KHDRBS2: variants seen among roughly 807,000 people sequenced by gnomAD.
The protein encoded by KHDRBS2 is KH domain-containing, RNA-binding, signal transduction-associated protein 2.
A neutral mutation model predicts 44.3 loss-of-function variants in KHDRBS2; 26 were observed. The observed-to-expected ratio is 0.59, with a 90% CI of 0.43 to 0.81. The LOEUF is 0.81. Ranked by LOEUF, KHDRBS2 falls within the 40% of genes least tolerant of loss-of-function variation. The pLI is 0.00. For synonymous variants in KHDRBS2, 194 were observed against 151.1 expected (o/e 1.28, Z -2.08); for missense variants, 476 against 433.1 (o/e 1.10, Z -0.88).
At chr6:61,682,654 T>A (rs1766430400) in intron 8 of KHDRBS2, among the ~76,000 whole-genome samples, 1 of 151,950 alleles carries the variant, frequency 6.6e-6, no homozygotes, top group Admixed American at 6.6e-5. Flanking sequence ...ATATTTATAC[T>A]CTGGGCTTTT....
At chr6:61,862,100 A>C (rs548078241) in intron 6 of KHDRBS2, among the ~76,000 whole-genome samples, 1 of 152,224 alleles carries the variant, frequency 6.6e-6, no homozygotes, top group Admixed American at 6.5e-5. Flanking sequence ...TTATCAACTT[A>C]AGAAGTTGTA....
chr6:61,557,015 C>T, the KHDRBS2 span, among the ~76,000 whole-genome samples: 1 of 150,132 alleles, frequency 6.7e-6, no homozygotes, highest in African/African-American at 2.4e-5. Flanking sequence ...TAGTTTTGCA[C>T]CATCAGTGCA....
At chr6:61,863,257 G>A (rs1230283526) in intron 6 of KHDRBS2, among the ~76,000 whole-genome samples, 2 of 133,022 alleles carry the variant, frequency 1.5e-5, no homozygotes, top group South Asian at 4.9e-4. Flanking sequence ...GCTTTTGAAG[G>A]GGTTTTTTTT....
intron 1 of KHDRBS2, among the ~76,000 whole-genome samples, chr6:62,223,616 C>T (rs946428107): frequency 1.3e-5 from 2 of 152,136 alleles, no homozygotes; most frequent in African/African-American, 4.8e-5. Context: ...CTCTGCTTCC[C>T]TTATAAAAAT....
At chr6:61,669,110 C>T in the KHDRBS2 span, among the ~76,000 whole-genome samples, 1 of 150,874 alleles carries the variant, frequency 6.6e-6, no homozygotes, top group Non-Finnish European at 1.5e-5. Flanking sequence ...CAAATATAGA[C>T]AGGCATAATA....
At chr6:62,231,054 A>G (rs939670718) in intron 1 of KHDRBS2, among the ~76,000 whole-genome samples, 2 of 152,192 alleles carry the variant, frequency 1.3e-5, no homozygotes, top group African/African-American at 4.8e-5. Context: ...ACTTGCTTTA[A>G]GCTCATTTAG....
intron 4 of KHDRBS2, among the ~76,000 whole-genome samples, chr6:61,955,158 A>G (rs1766373474): frequency 6.9e-6 from 1 of 145,078 alleles, no homozygotes; most frequent in South Asian, 2.2e-4. Flanking sequence ...GTGTGTATGT[A>G]TGTATACATA....
intron 1 of KHDRBS2, among the ~76,000 whole-genome samples, chr6:62,264,405 C>T (rs1444666704): frequency 4.0e-5 from 6 of 151,692 alleles, no homozygotes; most frequent in Non-Finnish European, 7.4e-5. Context: ...ATTTTTTATT[C>T]TATGTACTCG....
At chr6:62,283,935 C>T (rs1482952726) in intron 1 of KHDRBS2, among the ~76,000 whole-genome samples, 1 of 152,062 alleles carries the variant, frequency 6.6e-6, no homozygotes, top group Non-Finnish European at 1.5e-5. Context: ...TTTGGGTAAC[C>T]TCTTTGTTTC....
At chr6:61,543,049 G>C in the KHDRBS2 span, among the ~76,000 whole-genome samples, 8 of 151,874 alleles carry the variant, frequency 5.3e-5, no homozygotes, top group African/African-American at 1.9e-4. Flanking sequence ...AACATTGGCT[G>C]TGGCAAAGAT....
chr6:61,575,758 G>T, the KHDRBS2 span, among the ~76,000 whole-genome samples: 1 of 152,100 alleles, frequency 6.6e-6, no homozygotes, highest in Admixed American at 6.6e-5. Context: ...ATACACCATA[G>T]AATACTACTC....
At chr6:62,129,516 T>G (rs1218216515) in intron 2 of KHDRBS2, among the ~76,000 whole-genome samples, 1 of 152,150 alleles carries the variant, frequency 6.6e-6, no homozygotes, top group East Asian at 1.9e-4. Context: ...GAGCAAAATC[T>G]TTTTAATGGC....
At chr6:61,784,599 A>G (rs1170638532) in intron 6 of KHDRBS2, among the ~76,000 whole-genome samples, 1 of 152,154 alleles carries the variant, frequency 6.6e-6, no homozygotes, top group African/African-American at 2.4e-5. Context: ...AATTAAATGT[A>G]TAAATATAAA....
the KHDRBS2 span, among the ~76,000 whole-genome samples, chr6:61,642,626 A>T: frequency 6.6e-6 from 1 of 150,528 alleles, no homozygotes; most frequent in Non-Finnish European, 1.5e-5. Flanking sequence ...ACACCAATGT[A>T]CTCCAGCCTG....
intron 4 of KHDRBS2, among the ~76,000 whole-genome samples, chr6:61,967,610 G>A (rs1457970567): frequency 6.6e-6 from 1 of 151,850 alleles, no homozygotes; most frequent in Non-Finnish European, 1.5e-5. Context: ...TAGAAGCTCT[G>A]AAGTCAAGAA....
chr6:62,067,839 T>A (rs1490864460), intron 2 of KHDRBS2, among the ~76,000 whole-genome samples: 1 of 151,636 alleles, frequency 6.6e-6, no homozygotes. Context: ...TCGTACAACA[T>A]GTGGTTTTTC....
chr6:61,991,620 CA>C (rs1339281623), intron 3 of KHDRBS2, among the ~76,000 whole-genome samples: 1 of 152,140 alleles, frequency 6.6e-6, no homozygotes, highest in Non-Finnish European at 1.5e-5. Flanking sequence ...CACTGCCAAC[CA>C]ATAATGGAAA....
chr6:62,139,159 GA>G (rs569582742), intron 2 of KHDRBS2, among the ~76,000 whole-genome samples: 2 of 150,802 alleles, frequency 1.3e-5, no homozygotes, highest in African/African-American at 4.9e-5. Context: ...AAAATTTTCA[GA>G]AAAAAAATTG....
chr6:61,573,398 G>T, the KHDRBS2 span, among the ~76,000 whole-genome samples: 1 of 152,070 alleles, frequency 6.6e-6, no homozygotes, highest in Non-Finnish European at 1.5e-5. Flanking sequence ...ACTGCCAAAA[G>T]CAATACACAG....
Sources: allele counts gnomAD v4.1 joint callset (sites outside exome capture counted in the v4.1 genomes callset), GRCh38; gene constraint gnomAD v4.1.1; transcripts MANE v1.5; gene names NCBI Gene and HGNC (gene_info 2026-07-23, HGNC 2026-07-21).